DMRT1: variants seen among roughly 807,000 people sequenced by gnomAD.
DMRT1 encodes doublesex and mab-3 related transcription factor 1, also known as doublesex- and mab-3-related transcription factor 1.
DMRT1 carries 7 observed loss-of-function variants against 32.3 expected under a neutral mutation model. That is an observed-to-expected ratio of 0.22 (90% CI 0.12 to 0.41). DMRT1 has a LOEUF of 0.41. DMRT1 is among the 10% of genes least tolerant of loss of function. The pLI is 1.00. For synonymous variants in DMRT1, 278 were observed against 206.1 expected (o/e 1.35, Z -2.99); for missense variants, 625 against 500.5 (o/e 1.25, Z -2.37).
chr9:851,142 G>A (rs1346125127), intron 2 of DMRT1, among the ~76,000 whole-genome samples: 1 of 151,956 alleles, frequency 6.6e-6, no homozygotes, highest in Non-Finnish European at 1.5e-5. Context: ...CTACCAACCT[G>A]GCACACCTTG....
intron 2 of DMRT1, among the ~76,000 whole-genome samples, chr9:866,615 C>A: frequency 6.6e-6 from 1 of 152,288 alleles, no homozygotes; most frequent in Middle Eastern, 3.4e-3. Flanking sequence ...GTCTCAAGGA[C>A]GTTATTGGGC....
chr9:871,582 C>A lies in DMRT1; in HGVS notation c.539-22330C>A, dbSNP rs1479244659. The stretch of plus-strand genomic sequence containing the variant: ...GGTCTCGATCTCCTGACCTCGTGAT[C>A]CGCCCGCCTCTGCCTCCCAAAGTGC... On this transcript the variant is annotated intron_variant, in intron 2 of 4. Transcript: ENST00000382276. 9.4e-4 allele frequency among the ~76,000 whole-genome samples: 127 copies of A among 135,704 alleles called. 1 individual carries two copies. The highest frequency in any genetic ancestry group is 3.6e-3 in the African/African-American group (123 of 33,840). The allele number at this position is 135,704 out of a possible 152,430, so 89.0% of individuals were successfully genotyped here.
intron 4 of DMRT1, among the ~76,000 whole-genome samples, chr9:966,825 C>G (rs1819944932): frequency 6.6e-6 from 1 of 152,156 alleles, no homozygotes; most frequent in African/African-American, 2.4e-5. Flanking sequence ...ACATCAGGAC[C>G]CAGTGCAGCT....
In DMRT1 at chr9:841,964, C is replaced by T. The variant is rs940294596; in HGVS notation, c.126C>T (p.Ala42=). Residue 42 remains alanine (A), a synonymous_variant, in exon 1 of 5, where the codon GCC becomes GCT. Coordinates refer to ENST00000382276, the MANE Select transcript of DMRT1 (RefSeq NM_021951.3). ...CGTCTGGGGCGCTAGTGGGGGCGGC[C>T]AGCGGCTCGAGCGCCGGGGGCAGCA... is the stretch of plus-strand genomic sequence containing the variant. The part of the protein sequence containing the change: ...GKASGALVGA[A]SGSSAGGSSR... The T allele has an allele frequency of 6.9e-6, 11 of 1,590,476 alleles. No individual in the cohort carries two copies. Among genetic ancestry groups the T allele is most frequent in the Non-Finnish European group, 8.6e-6 (10 of 1,169,174 alleles).
intron 3 of DMRT1, among the ~76,000 whole-genome samples, chr9:900,183 C>G (rs182727242): frequency 9.4e-4 from 74 of 78,366 alleles, no homozygotes; most frequent in African/African-American, 2.5e-3. Flanking sequence ...GGAAGGAAAC[C>G]GCGTTCTGGC....
At chr9:953,458 T>C (rs1477323677) in intron 4 of DMRT1, among the ~76,000 whole-genome samples, 1 of 152,202 alleles carries the variant, frequency 6.6e-6, no homozygotes, top group Non-Finnish European at 1.5e-5. Flanking sequence ...ATTTATTTTC[T>C]AAATGACGAA....
chr9:884,253 T>G (rs1816839865), intron 2 of DMRT1, among the ~76,000 whole-genome samples: 1 of 152,048 alleles, frequency 6.6e-6, no homozygotes, highest in South Asian at 2.1e-4. Context: ...ACTATTAATA[T>G]GTCATGGGCC....
At chr9:873,215 C>T (rs540331241) in intron 2 of DMRT1, among the ~76,000 whole-genome samples, 10 of 152,176 alleles carry the variant, frequency 6.6e-5, no homozygotes, top group African/African-American at 2.2e-4. Context: ...TGTCTGTCTT[C>T]TTTAGAGAAA....
Position 965,321 on chromosome 9 carries a change from A to G in DMRT1, c.968-2664A>G, listed in dbSNP as rs575622869. Among the ~76,000 whole-genome samples, 3 of 152,190 alleles carry G rather than the reference A, an allele frequency of 2.0e-5. No individual in the cohort carries two copies. The highest frequency in any genetic ancestry group is 4.4e-5 in the Non-Finnish European group (3 of 68,042). ...GCATGGGTTTAAATTTTGAGTGGAG[A>G]AACACTATAAACAATACGGCTGTTT... On this transcript the variant is annotated intron_variant, in intron 4 of 4. Coordinates refer to ENST00000382276, the MANE Select transcript of DMRT1 (RefSeq NM_021951.3). This position sits in a 1 kb window ranked among gnomAD's most constrained non-coding sequence, Gnocchi z 4.5.
chr9:853,279 G>A (rs1422555294), intron 2 of DMRT1, among the ~76,000 whole-genome samples: 1 of 152,028 alleles, frequency 6.6e-6, no homozygotes, highest in African/African-American at 2.4e-5. Flanking sequence ...AGTTTGCATA[G>A]GGGTTTGCTC....
chr9:968,365 A>T lies in DMRT1; in HGVS notation c.*226A>T. The T allele has an allele frequency of 1.9e-6, 1 of 528,102 alleles. No homozygotes were observed. The highest frequency in any genetic ancestry group is 2.2e-5 in the South Asian group (1 of 45,646). 32.7% of individuals were successfully genotyped at this position (528,102 alleles called of 1,614,324 possible). A position where few individuals can be genotyped will look rare whatever the true frequency, so the allele number is the denominator to read the frequency against. On this transcript the variant is annotated 3_prime_UTR_variant, in exon 5 of 5. Coordinates refer to ENST00000382276, the MANE Select transcript of DMRT1 (RefSeq NM_021951.3). ...GTGCTTTACTCACGGAGTTTAAATA[A>T]TAGTGTTCATTTTTTTAATGACACT...
chr9:878,200 G>GCC (rs34336062), intron 2 of DMRT1, among the ~76,000 whole-genome samples: 6,110 of 93,924 alleles, frequency 0.065, 303 homozygotes, highest in African/African-American at 0.15. Flanking sequence ...TGCAGCTGCT[G>GCC]CCCCCCCCCC....
chr9:906,712 T>C (rs1186633687), intron 3 of DMRT1, among the ~76,000 whole-genome samples: 1 of 152,128 alleles, frequency 6.6e-6, no homozygotes. Context: ...AAAAAAAAAG[T>C]TTATTTGCTC....
chr9:928,296 T>A (rs1404250951), intron 4 of DMRT1, among the ~76,000 whole-genome samples: 1 of 152,194 alleles, frequency 6.6e-6, no homozygotes, highest in Non-Finnish European at 1.5e-5. Context: ...TATTTTAAAA[T>A]TCTCTGTTAA....
chr9:948,959 G>A lies in DMRT1; in HGVS notation c.968-19026G>A, dbSNP rs1040299261. On this transcript the variant is annotated intron_variant, in intron 4 of 4. Transcript: ENST00000382276. Reference sequence around the variant, plus strand: ...AATAATAATAATAGCCGGGCGTGGTGGTGGGTGCCTGTACTTCCAGGTACT... The same window carrying A: ...AATAATAATAATAGCCGGGCGTGGTAGTGGGTGCCTGTACTTCCAGGTACT... Among the ~76,000 whole-genome samples the A allele has an allele frequency of 2.0e-5, 3 of 151,270 alleles. No homozygotes were observed. The South Asian group carries it at 6.3e-4, about 32-fold the overall frequency.
intron 2 of DMRT1, among the ~76,000 whole-genome samples, chr9:871,562 C>T (rs1238285097): frequency 1.5e-5 from 2 of 136,906 alleles, no homozygotes; most frequent in Non-Finnish European, 3.0e-5. Context: ...AGGATGGTCT[C>T]GATCTCCTGA....
intron 2 of DMRT1, among the ~76,000 whole-genome samples, chr9:889,439 T>C (rs1369455829): frequency 1.3e-5 from 2 of 152,250 alleles, no homozygotes; most frequent in African/African-American, 2.4e-5. Context: ...CTATTTATTC[T>C]TAAAGCTTGG....
chr9:854,061 T>A (rs932620408), intron 2 of DMRT1, among the ~76,000 whole-genome samples: 2 of 151,940 alleles, frequency 1.3e-5, no homozygotes, highest in Admixed American at 1.3e-4. Context: ...GAACTCCTGC[T>A]TCAGCTCCCA....
intron 3 of DMRT1, among the ~76,000 whole-genome samples, chr9:912,749 T>C (rs1042562990): frequency 1.3e-5 from 2 of 152,118 alleles, no homozygotes; most frequent in Non-Finnish European, 2.9e-5. Flanking sequence ...GACGATATGT[T>C]GGTAATTGTA....
Sources: allele counts gnomAD v4.1 joint callset (sites outside exome capture counted in the v4.1 genomes callset), GRCh38; gene constraint gnomAD v4.1.1; non-coding constraint Gnocchi (gnomAD v3.1); transcripts MANE v1.5; gene names NCBI Gene and HGNC (gene_info 2026-07-23, HGNC 2026-07-21).